Variants in UTS2B observed in about 807,000 individuals in gnomAD.
UTS2B encodes urotensin 2B, also known as urotensin-2B.
A neutral mutation model predicts 19.2 loss-of-function variants in UTS2B; 21 were observed. The ratio of observed to expected loss-of-function variants is 1.09; its 90% CI spans 0.78 to 1.58. The LOEUF (loss-of-function observed/expected upper bound fraction) is 1.58, where lower values mean the gene tolerates loss of function less well. UTS2B is among the 40% of genes most tolerant of loss of function. UTS2B has a pLI of 0.00. For missense variants in UTS2B, 138 were observed against 130.3 expected, an observed-to-expected ratio of 1.06 and a Z score of -0.29; for synonymous variants, 57 against 50.2, an observed-to-expected ratio of 1.14 and a Z score of -0.58.
the UTS2B span, among the ~76,000 whole-genome samples, chr3:191,336,829 G>A: frequency 6.6e-6 from 1 of 152,144 alleles, no homozygotes; most frequent in African/African-American, 2.4e-5. Flanking sequence ...TGCAGTGACA[G>A]CTCATTTATC....
chr3:191,336,023 T>G, the UTS2B span, among the ~76,000 whole-genome samples: 1 of 152,114 alleles, frequency 6.6e-6, no homozygotes, highest in Non-Finnish European at 1.5e-5. Context: ...GTAAGTAGTT[T>G]TTTGAGTCTC....
chr3:191,337,657 GA>G, the UTS2B span, among the ~76,000 whole-genome samples: 446 of 150,048 alleles, frequency 3.0e-3, 6 homozygotes, highest in African/African-American at 9.7e-3. Flanking sequence ...TTTTTAAGAA[GA>G]AAAAAAAATT....
At chr3:191,345,764 C>T in the UTS2B span, among the ~76,000 whole-genome samples, 1 of 147,062 alleles carries the variant, frequency 6.8e-6, no homozygotes, top group Non-Finnish European at 1.5e-5. Flanking sequence ...CAGGAACATA[C>T]TTTGATAAAT....
At chr3:191,341,599 G>C in the UTS2B span, among the ~76,000 whole-genome samples, 2 of 152,194 alleles carry the variant, frequency 1.3e-5, no homozygotes, top group African/African-American at 2.4e-5. Flanking sequence ...GTGACTGGCA[G>C]CTTAAGTTTT....
chr3:191,331,045 G>A (rs1183305332), upstream of UTS2B, among the ~76,000 whole-genome samples: 1 of 152,192 alleles, frequency 6.6e-6, no homozygotes, highest in South Asian at 2.1e-4. Context: ...GACTAAGGAG[G>A]CTGAGCGATA....
At chr3:191,324,959 A>G (rs1345512921) in intron 2 of UTS2B, among the ~76,000 whole-genome samples, 1 of 152,156 alleles carries the variant, frequency 6.6e-6, no homozygotes, top group African/African-American at 2.4e-5. Context: ...CTGAGGCATG[A>G]GAATCGCTTG....
intron 4 of UTS2B, among the ~76,000 whole-genome samples, chr3:191,299,260 T>A (rs1167746362): frequency 6.6e-6 from 1 of 152,152 alleles, no homozygotes; most frequent in Non-Finnish European, 1.5e-5. Context: ...GCCAAGACAG[T>A]AAGAAAAAGG....
At chr3:191,269,582 G>T (rs969500101) in intron 8 of UTS2B, among the ~76,000 whole-genome samples, 5 of 151,232 alleles carry the variant, frequency 3.3e-5, no homozygotes, top group African/African-American at 9.7e-5. Context: ...TCACAGGCAT[G>T]ATCATAGAGT....
intron 3 of UTS2B, among the ~76,000 whole-genome samples, chr3:191,309,769 C>T (rs1056926928): frequency 6.6e-6 from 1 of 152,102 alleles, no homozygotes; most frequent in Non-Finnish European, 1.5e-5. Context: ...CTCTCTTCCT[C>T]CTGCTCTAGC....
intron 4 of UTS2B, among the ~76,000 whole-genome samples, chr3:191,286,598 T>C (rs1716549972): frequency 6.6e-6 from 1 of 151,798 alleles, no homozygotes; most frequent in South Asian, 2.1e-4. Context: ...TGTACCAAAA[T>C]GTATGGGATA....
intron 2 of UTS2B, among the ~76,000 whole-genome samples, chr3:191,317,566 C>CG (rs1717498560): frequency 1.1e-5 from 1 of 95,062 alleles, no homozygotes; most frequent in Non-Finnish European, 2.3e-5. Flanking sequence ...TTAGGATAGT[C>CG]TTTGTTGTTG....
intron 2 of UTS2B, among the ~76,000 whole-genome samples, chr3:191,320,566 T>G (rs1263911600): frequency 6.6e-6 from 1 of 152,158 alleles, no homozygotes; most frequent in African/African-American, 2.4e-5. Context: ...TCCAGGGGAA[T>G]AAGAGCAGAA....
intron 2 of UTS2B, among the ~76,000 whole-genome samples, chr3:191,323,311 A>G (rs570854450): frequency 3.9e-5 from 6 of 152,012 alleles, no homozygotes; most frequent in Non-Finnish European, 7.4e-5. Flanking sequence ...CTAGGGCTAC[A>G]GGCATGGACA....
At chr3:191,336,726 A>T in the UTS2B span, among the ~76,000 whole-genome samples, 1 of 152,322 alleles carries the variant, frequency 6.6e-6, no homozygotes, top group East Asian at 1.9e-4. Flanking sequence ...CAGACTATGT[A>T]CTCAGACTTA....
intron 4 of UTS2B, among the ~76,000 whole-genome samples, chr3:191,298,866 G>C (rs962352314): frequency 6.6e-6 from 1 of 152,210 alleles, no homozygotes; most frequent in Non-Finnish European, 1.5e-5. Flanking sequence ...GGGGGTCTCA[G>C]ATGGAAATGA....
At chr3:191,294,210 C>T (rs1427160061) in intron 4 of UTS2B, among the ~76,000 whole-genome samples, 1 of 151,892 alleles carries the variant, frequency 6.6e-6, no homozygotes, top group Non-Finnish European at 1.5e-5. Context: ...TACCGTTCTA[C>T]CCTTGTATCA....
At chr3:191,342,392 G>A in the UTS2B span, among the ~76,000 whole-genome samples, 6 of 152,180 alleles carry the variant, frequency 3.9e-5, no homozygotes, top group African/African-American at 1.4e-4. Flanking sequence ...CTAATAGGAA[G>A]GAAAGTGCTA....
At chr3:191,288,106 A>T (rs891598694) in intron 4 of UTS2B, among the ~76,000 whole-genome samples, 4 of 152,190 alleles carry the variant, frequency 2.6e-5, no homozygotes, top group African/African-American at 9.6e-5. Flanking sequence ...TATACTGACA[A>T]CAACAAAACA....
Position 191,306,659 on chromosome 3 carries a change from C to T in UTS2B, c.-181-2111G>A, listed in dbSNP as rs147461086. 4.9e-3 allele frequency among the ~76,000 whole-genome samples: 748 copies of T among 152,224 alleles called. 6 individuals are homozygous for T. Among genetic ancestry groups the T allele is most frequent in the African/African-American group, 0.016 (683 of 41,540 alleles). Reference sequence around the variant, plus strand: ...TTGTTTTGTTTTGTTTTGTTTGAGACGGAGTCTCTTGTCACCCAGGCTGGA... The same window carrying T: ...TTGTTTTGTTTTGTTTTGTTTGAGATGGAGTCTCTTGTCACCCAGGCTGGA... On this transcript the variant is annotated intron_variant, in intron 3 of 8. Transcript: ENST00000340524.
Sources: allele counts gnomAD v4.1 joint callset (sites outside exome capture counted in the v4.1 genomes callset), GRCh38; gene constraint gnomAD v4.1.1; transcripts MANE v1.5; gene names NCBI Gene and HGNC (gene_info 2026-07-23, HGNC 2026-07-21).